The following HEXB variants were observed in gnomAD, a reference collection of about 807,000 sequenced individuals.
HEXB encodes the protein hexosaminidase subunit beta.
A neutral mutation model predicts 71.2 loss-of-function variants in HEXB; 51 were observed. The observed-to-expected ratio is 0.72, with a 90% CI of 0.57 to 0.90. HEXB has a LOEUF of 0.90. Ranked by LOEUF, HEXB falls within the 40% of genes least tolerant of loss-of-function variation. The pLI, the probability that HEXB is intolerant of heterozygous loss-of-function variation, is 0.00. For synonymous variants in HEXB, 266 were observed against 249.3 expected (o/e 1.07, Z -0.63); for missense variants, 617 against 677.0 (o/e 0.91, Z 0.98).
chr5:74,700,818 C>T lies in HEXB; in HGVS notation c.669+3712C>T, dbSNP rs548113087. On this transcript the variant is annotated intron_variant, in intron 5 of 13. Transcript: ENST00000261416. The stretch of plus-strand genomic sequence containing the variant: ...CGCCTCTCAGATTCAAGTGATTCTT[C>T]TGCCTCAGCCTCCTAAGTAGCTGGG... 1.0e-3 allele frequency among the ~76,000 whole-genome samples: 153 copies of T among 152,204 alleles called. 2 individuals are homozygous for T. Among genetic ancestry groups the T allele is most frequent in the African/African-American group, 3.5e-3 (146 of 41,508 alleles).
At chr5:74,705,569 C>G (rs1241152029) in intron 6 of HEXB, 1 of 480,464 alleles carries the variant, frequency 2.1e-6, no homozygotes, top group Non-Finnish European at 3.8e-6. Flanking sequence ...CGAAATTTAA[C>G]AAGGTAGAAG....
intron 5 of HEXB, among the ~76,000 whole-genome samples, chr5:74,702,567 GGTATT>G (rs1327767490): frequency 6.6e-6 from 1 of 152,026 alleles, no homozygotes; most frequent in Non-Finnish European, 1.5e-5. Context: ...TTTCATTTCT[GGTATT>G]GTTCACTTAT....
intron 8 of HEXB, among the ~76,000 whole-genome samples, chr5:74,716,016 C>CAAAAAA (rs71600435): frequency 4.6e-5 from 3 of 64,850 alleles, no homozygotes; most frequent in African/African-American, 5.6e-5. Context: ...GACTCCATCT[C>CAAAAAA]AAAAAAAAAA....
chr5:74,669,368 C>T (rs1032973822), intron 1 of HEXB, among the ~76,000 whole-genome samples: 1 of 151,992 alleles, frequency 6.6e-6, no homozygotes, highest in Non-Finnish European at 1.5e-5. Context: ...CTCCTTCTAC[C>T]ACAGATTTGA....
At chr5:74,670,668 A>G (rs1026919024) in intron 1 of HEXB, among the ~76,000 whole-genome samples, 1 of 152,202 alleles carries the variant, frequency 6.6e-6, no homozygotes, top group Non-Finnish European at 1.5e-5. Flanking sequence ...TGGCAAGACT[A>G]AAAGAGCTAA....
intron 1 of HEXB, among the ~76,000 whole-genome samples, chr5:74,642,174 A>G (rs975920537): frequency 6.6e-6 from 1 of 152,136 alleles, no homozygotes; most frequent in African/African-American, 2.4e-5. Flanking sequence ...GCGCCGAGAA[A>G]TTTCGCTCCT....
chr5:74,680,800 G>A (rs551163387), upstream of HEXB, among the ~76,000 whole-genome samples: 1 of 152,264 alleles, frequency 6.6e-6, no homozygotes, highest in East Asian at 1.9e-4. Context: ...GTAGGTTGAT[G>A]GTCTTTAATT....
chr5:74,702,943 T>C (rs757860122), intron 5 of HEXB, among the ~76,000 whole-genome samples: 18 of 152,202 alleles, frequency 1.2e-4, no homozygotes, highest in Non-Finnish European at 2.2e-4. Context: ...AATCTGTTAC[T>C]TTCCCTGTTT....
At chr5:74,718,684 A>AT (rs952908986) in intron 10 of HEXB, 113 bp from the exon 11 acceptor site, 125 of 1,110,782 alleles carry the variant, frequency 1.1e-4, no homozygotes, top group East Asian at 5.4e-4. Flanking sequence ...GAAAATGCAG[A>AT]TTTTTTTTAA....
Position 74,720,504 on chromosome 5 carries a change from C to T in HEXB, c.1494C>T (p.Leu498=), listed in dbSNP as rs149960235. The change falls in exon 12 of 14, where the codon CTC becomes CTT. Residue 498 remains leucine (L), a synonymous_variant. Coordinates refer to ENST00000261416, the MANE Select transcript of HEXB (RefSeq NM_000521.4). ...LWGEYVDATN[L]TPRLWPRASA... Reference sequence around the variant, plus strand: ...GAGAATATGTGGATGCAACTAACCTCACTCCAAGATTATGGTATGGGATTT... The same window carrying T: ...GAGAATATGTGGATGCAACTAACCTTACTCCAAGATTATGGTATGGGATTT... The T allele has an allele frequency of 9.9e-6, 16 of 1,612,232 alleles. No homozygotes were observed. Among genetic ancestry groups the T allele is most frequent in the Admixed American group, 8.3e-5 (5 of 60,016 alleles).
intron 1 of HEXB, among the ~76,000 whole-genome samples, chr5:74,643,534 C>CT (rs1365721789): frequency 2.0e-5 from 3 of 152,214 alleles, no homozygotes; most frequent in African/African-American, 4.8e-5. Context: ...GTCTTTGCCT[C>CT]TGTCTTGTGA....
intron 1 of HEXB, among the ~76,000 whole-genome samples, chr5:74,662,191 C>T (rs1748339200): frequency 6.6e-6 from 1 of 151,912 alleles, no homozygotes; most frequent in Admixed American, 6.5e-5. Context: ...TTGTGCTGTG[C>T]ACAGACATGG....
intron 11 of HEXB, among the ~76,000 whole-genome samples, chr5:74,719,296 A>AT (rs1388509512): frequency 2.0e-5 from 3 of 152,152 alleles, no homozygotes; most frequent in Non-Finnish European, 4.4e-5. Flanking sequence ...ATTTGATTGC[A>AT]TTAACCTTAC....
At chr5:74,710,774 G>T (rs1246447207) in intron 6 of HEXB, among the ~76,000 whole-genome samples, 2 of 152,050 alleles carry the variant, frequency 1.3e-5, no homozygotes, top group East Asian at 3.9e-4. Flanking sequence ...ACTGCTCAAT[G>T]AAATAAAAGA....
intron 3 of HEXB, 49 bp downstream of exon 3, chr5:74,693,753 C>G (rs1296248865): frequency 3.0e-6 from 4 of 1,339,552 alleles, no homozygotes; most frequent in Non-Finnish European, 4.3e-6. Flanking sequence ...GGAAAATTTT[C>G]AGTTGGTGCT....
At chr5:74,697,663 G>A (rs1749143966) in intron 5 of HEXB, among the ~76,000 whole-genome samples, 1 of 150,708 alleles carries the variant, frequency 6.6e-6, no homozygotes, top group Non-Finnish European at 1.5e-5. Flanking sequence ...CCCGGGTGGA[G>A]GTTGCAGTGA....
intron 6 of HEXB, among the ~76,000 whole-genome samples, chr5:74,709,466 C>T (rs926085080): frequency 6.6e-6 from 1 of 152,046 alleles, no homozygotes; most frequent in Non-Finnish European, 1.5e-5. Context: ...AGGAAATAGA[C>T]ACACAAAAAA....
At chr5:74,653,361 T>C (rs933749767) in intron 1 of HEXB, among the ~76,000 whole-genome samples, 6 of 152,292 alleles carry the variant, frequency 3.9e-5, no homozygotes, top group East Asian at 3.9e-4. Context: ...AAAAATACTA[T>C]GTAAAAAATA....
chr5:74,671,078 A>G (rs915189260), intron 1 of HEXB, among the ~76,000 whole-genome samples: 1 of 152,148 alleles, frequency 6.6e-6, no homozygotes, highest in Admixed American at 6.5e-5. Context: ...CTATATCAGT[A>G]TTATTGTTAT....
Sources: gnomAD v4.1 joint callset for allele counts (sites outside exome capture counted in the v4.1 genomes callset) on GRCh38, gnomAD v4.1.1 for gene constraint, MANE v1.5 for transcripts, NCBI Gene and HGNC (gene_info 2026-07-23, HGNC 2026-07-21) for gene names.